Variants in PPP4R3B observed in about 807,000 individuals in gnomAD.
PPP4R3B encodes the protein serine/threonine-protein phosphatase 4 regulatory subunit 3B.
A neutral mutation model predicts 95.4 loss-of-function variants in PPP4R3B; 52 were observed. The ratio of observed to expected loss-of-function variants is 0.54; its 90% CI spans 0.44 to 0.69. PPP4R3B has a LOEUF of 0.69. Among genes scored for constraint, PPP4R3B ranks in the 30% least tolerant of loss-of-function variants. The probability of loss-of-function intolerance (pLI) is 0.00; values close to 1 mark genes in which losing one functional copy is unlikely to be tolerated. For missense variants in PPP4R3B, 1,003 were observed against 1,005.9 expected (o/e 1.00, Z 0.04); for synonymous variants, 407 against 343.9 (o/e 1.18, Z -2.03).
At chr2:55,598,290 T>A in intron 4 of PPP4R3B, 126 bp downstream of exon 4, 1 of 951,908 alleles carries the variant, frequency 1.1e-6, no homozygotes, top group Non-Finnish European at 1.5e-6. Context: ...TTACTTTAAA[T>A]GTACTTAATA....
At chr2:55,555,278 T>TAAAAAAAAAAAA (rs372423262) in intron 16 of PPP4R3B, among the ~76,000 whole-genome samples, 3 of 108,898 alleles carry the variant, frequency 2.8e-5, no homozygotes, top group Admixed American at 1.0e-4. Context: ...AGACTCCGTC[T>TAAAAAAAAAAAA]AAAAAAAAAA....
chr2:55,564,892 TA>T lies in PPP4R3B; in HGVS notation c.2075+9del, dbSNP rs745550479. 1 of 1,607,110 alleles carries T rather than the reference TA, an allele frequency of 6.2e-7. No individual in the cohort carries two copies. The highest frequency in any genetic ancestry group is 2.2e-5 in the East Asian group (1 of 44,618). On this transcript the variant is annotated intron_variant, in intron 14 of 16. Transcript: ENST00000616407. ...TTGTAGGCTATAAAAGCAGTATACTTAAACAATACCTGTTCAGTTTCTGATT... is the reference window on the plus strand; with the variant it reads ...TTGTAGGCTATAAAAGCAGTATACTTAACAATACCTGTTCAGTTTCTGATT...
chr2:55,564,760 G>GA (rs1306910100), intron 14 of PPP4R3B, 142 bp downstream of exon 14: 31 of 897,298 alleles, frequency 3.5e-5, no homozygotes, highest in Non-Finnish European at 4.2e-5. Context: ...GGGTAGGGGG[G>GA]ACGCCTTACC....
chr2:55,550,190 T>C (rs1685093395), intron 16 of PPP4R3B, among the ~76,000 whole-genome samples, 184 bp from the exon 17 acceptor site: 1 of 152,218 alleles, frequency 6.6e-6, no homozygotes, highest in Non-Finnish European at 1.5e-5. Flanking sequence ...TGGTAGCACT[T>C]GCAGTAACCC....
At chr2:55,584,411 T>C (rs934648494) in intron 7 of PPP4R3B, among the ~76,000 whole-genome samples, 11 of 152,268 alleles carry the variant, frequency 7.2e-5, no homozygotes, top group Middle Eastern at 3.4e-3. Context: ...GTAAGTTCTT[T>C]GCTGGTGATT....
intron 2 of PPP4R3B, among the ~76,000 whole-genome samples, chr2:55,604,708 T>C (rs373623528): frequency 2.4e-4 from 37 of 152,252 alleles, no homozygotes; most frequent in African/African-American, 8.4e-4. Flanking sequence ...TTCAATTATA[T>C]GCCTACCAAA....
chr2:55,595,075 A>G (rs1228092702), intron 4 of PPP4R3B, among the ~76,000 whole-genome samples: 6 of 147,156 alleles, frequency 4.1e-5, no homozygotes, highest in African/African-American at 1.5e-4. Flanking sequence ...CCCTGGCTGG[A>G]GTACAGTGGC....
chr2:55,609,659 CTG>C (rs1274316475), intron 2 of PPP4R3B, among the ~76,000 whole-genome samples: 2 of 141,388 alleles, frequency 1.4e-5, no homozygotes, highest in Non-Finnish European at 3.0e-5. Context: ...CAAAGCAAGA[CTG>C]TGTCTCAAAA....
chr2:55,581,378 T>C (rs1043790828), intron 8 of PPP4R3B, among the ~76,000 whole-genome samples, 189 bp downstream of exon 8: 4 of 152,240 alleles, frequency 2.6e-5, no homozygotes, highest in African/African-American at 9.6e-5. Flanking sequence ...ATGGAATTCC[T>C]AACATTTTAC....
At chr2:55,560,286 G>T (rs576207805) in intron 15 of PPP4R3B, among the ~76,000 whole-genome samples, 48 of 152,312 alleles carry the variant, frequency 3.2e-4, no homozygotes, top group African/African-American at 1.0e-3. Flanking sequence ...CAGTGATATG[G>T]ACAATGAAGT....
At chr2:55,552,105 G>T (rs1019350167) in intron 16 of PPP4R3B, among the ~76,000 whole-genome samples, 11 of 152,056 alleles carry the variant, frequency 7.2e-5, no homozygotes, top group African/African-American at 2.7e-4. Flanking sequence ...TATACAATTT[G>T]AGTTTTACTT....
chr2:55,550,949 C>A (rs1207561454), intron 16 of PPP4R3B, among the ~76,000 whole-genome samples: 2 of 152,116 alleles, frequency 1.3e-5, no homozygotes, highest in Non-Finnish European at 2.9e-5. Context: ...ACACACACAT[C>A]TTAAGTCTGG....
intron 1 of PPP4R3B, among the ~76,000 whole-genome samples, chr2:55,615,927 C>G (rs531587399): frequency 1.8e-5 from 2 of 111,232 alleles, no homozygotes; most frequent in African/African-American, 3.7e-5. Context: ...CTTTTCAAGT[C>G]TTTTTACCGA....
intron 4 of PPP4R3B, among the ~76,000 whole-genome samples, chr2:55,596,632 G>T (rs1453395527): frequency 3.3e-5 from 5 of 152,220 alleles, no homozygotes; most frequent in African/African-American, 1.2e-4. Context: ...AAGCACTACT[G>T]GCGAGTATTC....
intron 4 of PPP4R3B, among the ~76,000 whole-genome samples, chr2:55,596,821 G>C (rs71414567): frequency 6.6e-6 from 1 of 152,108 alleles, no homozygotes; most frequent in Non-Finnish European, 1.5e-5. Context: ...AAAATTAGTC[G>C]AGTGTGGTGG....
At chr2:55,613,683 G>C (rs531516843) in intron 2 of PPP4R3B, among the ~76,000 whole-genome samples, 2 of 151,882 alleles carry the variant, frequency 1.3e-5, no homozygotes, top group African/African-American at 4.8e-5. Flanking sequence ...ACAGCTAAAA[G>C]ATCTTATATA....
chr2:55,604,046 T>A lies in PPP4R3B; in HGVS notation c.229A>T (p.Asn77Tyr). The change falls in exon 3 of 17, where the codon AAC (asparagine) becomes TAC (tyrosine). Residue 77 changes from asparagine (N) to tyrosine (Y), a missense_variant. Around this residue, in one of 3 missense-constraint regions of PPP4R3B, gnomAD observed 695 missense variants for 686.2 expected, o/e 1.01. Transcript: ENST00000616407. The part of the protein sequence containing the change: ...DTLIVWSEAE[N>Y]YDLALSFQEK... The stretch of plus-strand genomic sequence containing the variant: ...TGAAAACTCAGAGCCAAATCATAGT[T>A]CTCTGCTTCTGACCAAACAATTAAT... The A allele has an allele frequency of 6.2e-7, 1 of 1,609,284 alleles. No individual in the cohort carries two copies.
At chr2:55,601,995 C>A (rs77675173) in intron 3 of PPP4R3B, among the ~76,000 whole-genome samples, 5,697 of 151,954 alleles carry the variant, frequency 0.037, 144 homozygotes, top group South Asian at 0.091. Context: ...TGGTCTGGAA[C>A]CTAAGAAGAA....
intron 11 of PPP4R3B, among the ~76,000 whole-genome samples, chr2:55,574,876 A>T (rs929663553): frequency 2.0e-5 from 3 of 149,608 alleles, no homozygotes; most frequent in Non-Finnish European, 4.4e-5. Context: ...TTACAGGCGT[A>T]AGCCACTGCG....
Sources: gnomAD v4.1 joint callset for allele counts (sites outside exome capture counted in the v4.1 genomes callset) on GRCh38, gnomAD v4.1.1 for gene constraint, gnomAD v4.1.1 regional missense constraint, MANE v1.5 for transcripts, NCBI Gene and HGNC (gene_info 2026-07-23, HGNC 2026-07-21) for gene names.